PAK2: variants seen among roughly 807,000 people sequenced by gnomAD.
PAK2 encodes the protein serine/threonine-protein kinase PAK 2.
In PAK2, 21 loss-of-function variants were observed where a neutral mutation model predicts 65.9. That is an observed-to-expected ratio of 0.32 (90% CI 0.23 to 0.46). PAK2 has a LOEUF of 0.46. Ranked by LOEUF, PAK2 falls within the 20% of genes least tolerant of loss-of-function variation. The probability of loss-of-function intolerance (pLI) is 1.00; values close to 1 mark genes in which losing one functional copy is unlikely to be tolerated. For synonymous variants in PAK2, 204 were observed against 219.7 expected, an observed-to-expected ratio of 0.93 and a Z score of 0.63; for missense variants, 324 against 642.6, an observed-to-expected ratio of 0.50 and a Z score of 5.36.
chr3:196,778,331 T>C (rs1352835079), intron 1 of PAK2, among the ~76,000 whole-genome samples: 1 of 152,258 alleles, frequency 6.6e-6, no homozygotes, highest in Non-Finnish European at 1.5e-5. Context: ...TTTTGGCTGT[T>C]ATGAATGCTT....
chr3:196,818,234 A>C, intron 12 of PAK2, 78 bp downstream of exon 12: 1 of 652,416 alleles, frequency 1.5e-6, no homozygotes, highest in South Asian at 1.8e-5. Flanking sequence ...TTTCTTGACC[A>C]ATGCAAGGAT....
At chr3:196,794,240 G>A (rs538500516) in intron 2 of PAK2, among the ~76,000 whole-genome samples, 1 of 152,326 alleles carries the variant, frequency 6.6e-6, no homozygotes, top group South Asian at 2.1e-4. Flanking sequence ...ACAATTAAGT[G>A]GAGGACATAG....
At chr3:196,814,705 C>T in intron 11 of PAK2, 137 bp downstream of exon 11, 1 of 618,086 alleles carries the variant, frequency 1.6e-6, no homozygotes, top group Non-Finnish European at 2.8e-6. Flanking sequence ...ATTACTCCAT[C>T]TCCGTGCCAT....
At position 196,806,659 on chromosome 3, in the gene PAK2, T is replaced by C. The variant is rs1407003410; in HGVS notation, c.549T>C (p.Ile183=). The C allele has an allele frequency of 6.2e-7, 1 of 1,610,098 alleles. No individual in the cohort carries two copies. Among genetic ancestry groups the C allele is most frequent in the South Asian group, 1.1e-5 (1 of 90,998 alleles). ...ATGAAGAGACTGCTCCTCCCGTTAT[T>C]GCCCCGCGACCGGATCATACGAAAT... ...DDDEETAPPV[I]APRPDHTKSI... The change falls in exon 6 of 15, where the codon ATT becomes ATC. Residue 183 remains isoleucine, a synonymous_variant. Transcript: ENST00000327134.
chr3:196,740,197 G>C (rs1032812550), intron 1 of PAK2, 40 bp downstream of exon 1: 9 of 152,180 alleles, frequency 5.9e-5, no homozygotes, highest in African/African-American at 1.7e-4. Flanking sequence ...ACGCAGGCCG[G>C]GTCTCTTCCT....
At chr3:196,823,487 A>G (rs994864701) in intron 13 of PAK2, among the ~76,000 whole-genome samples, 1 of 152,078 alleles carries the variant, frequency 6.6e-6, no homozygotes, top group African/African-American at 2.4e-5. Flanking sequence ...GAAGCTGATC[A>G]AAGATGGGCT....
chr3:196,825,108 G>A (rs1391579282), intron 13 of PAK2, among the ~76,000 whole-genome samples: 27 of 152,164 alleles, frequency 1.8e-4, no homozygotes, highest in Admixed American at 1.8e-3. Context: ...CACTTTGGGA[G>A]GCCAAGGTGG....
chr3:196,764,841 C>CTTTTTT (rs57199433), intron 1 of PAK2, among the ~76,000 whole-genome samples: 12 of 107,606 alleles, frequency 1.1e-4, no homozygotes, highest in Non-Finnish European at 1.9e-4. Context: ...TCTTTTCTTT[C>CTTTTTT]TTTTTTTTTT....
chr3:196,804,516 G>A (rs1267823999), intron 4 of PAK2, among the ~76,000 whole-genome samples: 1 of 152,124 alleles, frequency 6.6e-6, no homozygotes, highest in African/African-American at 2.4e-5. Flanking sequence ...TGCCCAGGCT[G>A]GAGTGCAGTG....
chr3:196,776,937 T>A (rs1714555443), intron 1 of PAK2, among the ~76,000 whole-genome samples: 1 of 152,108 alleles, frequency 6.6e-6, no homozygotes, highest in Non-Finnish European at 1.5e-5. Context: ...CGTTTTCAGG[T>A]GGGTATCTGC....
In PAK2 at chr3:196,765,769, T is replaced by C. The variant is rs147997304; in HGVS notation, c.-21-16857T>C. On this transcript the variant is annotated intron_variant, in intron 1 of 14. Coordinates refer to ENST00000327134, the MANE Select transcript of PAK2 (RefSeq NM_002577.4). ...ATTTGGCTTTCAGTATGCAACTTGA[T>C]AAGTGGCAGTAGTTTATTTGCCTAG... 2.7e-3 allele frequency among the ~76,000 whole-genome samples: 408 copies of C among 152,322 alleles called. 3 individuals carry two copies. The highest frequency in any genetic ancestry group is 4.3e-3 in the Non-Finnish European group (290 of 68,016).
At chr3:196,784,170 CT>C (rs2108741280) in intron 2 of PAK2, among the ~76,000 whole-genome samples, 1 of 149,540 alleles carries the variant, frequency 6.7e-6, no homozygotes, top group South Asian at 2.1e-4. Flanking sequence ...CAATCAGCAT[CT>C]TTAGGGGCTT....
chr3:196,751,836 A>C (rs1713613230), intron 1 of PAK2, among the ~76,000 whole-genome samples: 1 of 137,268 alleles, frequency 7.3e-6, no homozygotes, highest in African/African-American at 2.8e-5. Flanking sequence ...TCCTCCTCCC[A>C]GGTTCAAGTG....
chr3:196,756,510 A>G (rs1713773818), intron 1 of PAK2, among the ~76,000 whole-genome samples: 1 of 152,152 alleles, frequency 6.6e-6, no homozygotes, highest in Non-Finnish European at 1.5e-5. Context: ...CTTAATAAAT[A>G]TTTGAATGAA....
Position 196,740,048 on chromosome 3 carries a change from T to G in PAK2, c.-131T>G, listed in dbSNP as rs1713132060. ...GCGTCTCTTCCCGCCCCGCTTCCCC[T>G]TCCCTCCCCTCCCCTCCCCGCACCG... On this transcript the variant is annotated 5_prime_UTR_variant, in exon 1 of 15. Coordinates refer to ENST00000327134, the MANE Select transcript of PAK2 (RefSeq NM_002577.4). The G allele has an allele frequency of 2.7e-5, 4 of 145,542 alleles. No homozygotes were observed. Among genetic ancestry groups the G allele is most frequent in the South Asian group, 2.4e-4 (1 of 4,224 alleles). 9.0% of individuals were successfully genotyped at this position (145,542 alleles called of 1,614,324 possible).
intron 1 of PAK2, among the ~76,000 whole-genome samples, chr3:196,770,702 A>C (rs11710475): frequency 0.038 from 5,579 of 147,626 alleles, 180 homozygotes; most frequent in Non-Finnish European, 0.058. Context: ...GGCTCACTGT[A>C]ATCTCCGCCT....
chr3:196,780,989 C>A (rs1714691443), intron 1 of PAK2, among the ~76,000 whole-genome samples: 1 of 152,110 alleles, frequency 6.6e-6, no homozygotes, highest in South Asian at 2.1e-4. Context: ...GGGGTTTCAC[C>A]ATGTTAGCCA....
rs2108747961 is a variant in PAK2, at chr3:196,791,007, C to G, written c.187+8174C>G. On this transcript the variant is annotated intron_variant, in intron 2 of 14. Coordinates refer to ENST00000327134, the MANE Select transcript of PAK2 (RefSeq NM_002577.4). This position sits in a 1 kb window ranked among gnomAD's most constrained non-coding sequence, Gnocchi z 4.0. ...GGCTACCTTCAGCCAAACTTTGAAG[C>G]TATGCAAAACTCCCCGGCCTTCCAA... is the stretch of plus-strand genomic sequence containing the variant. Among the ~76,000 whole-genome samples, 8 of 152,310 alleles carry G rather than the reference C, an allele frequency of 5.3e-5. 2 individuals carry two copies. In the South Asian group the frequency reaches 1.7e-3, roughly 32 times the overall value.
intron 1 of PAK2, among the ~76,000 whole-genome samples, chr3:196,776,538 AT>A (rs1292255145): frequency 6.6e-6 from 1 of 152,246 alleles, no homozygotes; most frequent in East Asian, 1.9e-4. Flanking sequence ...TAGGCTTTCA[AT>A]CAAAAATCAG....
Sources: allele counts gnomAD v4.1 joint callset (sites outside exome capture counted in the v4.1 genomes callset), GRCh38; gene constraint gnomAD v4.1.1; non-coding constraint Gnocchi (gnomAD v3.1); transcripts MANE v1.5; gene names NCBI Gene and HGNC (gene_info 2026-07-23, HGNC 2026-07-21).